NRXN1: variants seen among roughly 807,000 people sequenced by gnomAD.
The protein encoded by NRXN1 is neurexin 1.
NRXN1 carries 39 observed loss-of-function variants against 150.9 expected under a neutral mutation model. That is an observed-to-expected ratio of 0.26 (90% CI 0.20 to 0.34). The LOEUF (loss-of-function observed/expected upper bound fraction) is 0.34, where lower values mean the gene tolerates loss of function less well. Among genes scored for constraint, NRXN1 ranks in the 10% least tolerant of loss-of-function variants. The pLI, the probability that NRXN1 is intolerant of heterozygous loss-of-function variation, is 1.00. For synonymous variants in NRXN1, 924 were observed against 757.0 expected (o/e 1.22, Z -3.62); for missense variants, 1,815 against 1,949.9 (o/e 0.93, Z 1.30).
chr2:49,977,771 A>G (rs995160683), intron 21 of NRXN1, among the ~76,000 whole-genome samples: 2 of 152,198 alleles, frequency 1.3e-5, no homozygotes, highest in Non-Finnish European at 2.9e-5. Flanking sequence ...TGTTCTTCAT[A>G]GGTTTTTTAA....
In NRXN1 at chr2:51,020,253, G is replaced by GTTTTAAACTTCATATATAATTC. The variant is rs1260998248; in HGVS notation, c.772+7248_772+7249insGAATTATATATGAAGTTTAAAA. Among the ~76,000 whole-genome samples the GTTTTAAACTTCATATATAATTC allele has an allele frequency of 3.4e-4, 51 of 151,494 alleles. 1 individual carries two copies. The highest frequency in any genetic ancestry group is 1.2e-3 in the African/African-American group (49 of 41,406). On this transcript the variant is annotated intron_variant, in intron 2 of 22. Transcript: ENST00000401669. ...CTATCATCATAGATTAGTTGTATCT[G>GTTTTAAACTTCATATATAATTC]TTTTAAACTTCATATAAACAGAATT...
At chr2:50,228,864 G>A (rs2152867693) in intron 18 of NRXN1, among the ~76,000 whole-genome samples, 1 of 152,070 alleles carries the variant, frequency 6.6e-6, no homozygotes, top group South Asian at 2.1e-4. Context: ...CCCATTCAGG[G>A]CTGTGCTCTG....
At chr2:49,974,135 A>G in intron 21 of NRXN1, 1 of 714,932 alleles carries the variant, frequency 1.4e-6, no homozygotes, top group South Asian at 1.5e-5. Flanking sequence ...TCAAGATGAT[A>G]AATTGCCTGC....
At chr2:50,399,789 T>TAAAA (rs562980355) in intron 17 of NRXN1, among the ~76,000 whole-genome samples, 2 of 60,522 alleles carry the variant, frequency 3.3e-5, no homozygotes, top group Non-Finnish European at 6.1e-5. Flanking sequence ...AGAGAACTGG[T>TAAAA]AAAAAAAAAA....
chr2:50,857,388 T>C (rs2106008666), intron 5 of NRXN1, among the ~76,000 whole-genome samples: 1 of 152,234 alleles, frequency 6.6e-6, no homozygotes, highest in Non-Finnish European at 1.5e-5. Context: ...TGTCTAGCAC[T>C]ATTTTTTTAT....
chr2:50,094,097 T>C (rs899112030), intron 18 of NRXN1, among the ~76,000 whole-genome samples: 1 of 152,242 alleles, frequency 6.6e-6, no homozygotes, highest in African/African-American at 2.4e-5. Context: ...AATTTTGGAA[T>C]AAATTGTAAG....
chr2:50,274,586 G>T (rs947970355), intron 17 of NRXN1, among the ~76,000 whole-genome samples: 1 of 151,964 alleles, frequency 6.6e-6, no homozygotes, highest in Non-Finnish European at 1.5e-5. Flanking sequence ...CTATTGCGGA[G>T]ACTGAAAAAG....
At chr2:50,934,409 T>C (rs1384567143) in intron 2 of NRXN1, among the ~76,000 whole-genome samples, 1 of 152,174 alleles carries the variant, frequency 6.6e-6, no homozygotes, top group Non-Finnish European at 1.5e-5. Context: ...GTTATTTCAA[T>C]TTTGTTTGTA....
chr2:50,788,490 T>C (rs1705461616), intron 5 of NRXN1, among the ~76,000 whole-genome samples: 1 of 152,054 alleles, frequency 6.6e-6, no homozygotes, highest in African/African-American at 2.4e-5. Flanking sequence ...CTGACGCTTC[T>C]GGACAAGGAC....
chr2:50,501,351 A>G (rs951912620), intron 13 of NRXN1, among the ~76,000 whole-genome samples: 7 of 150,394 alleles, frequency 4.7e-5, no homozygotes, highest in Admixed American at 6.7e-5. Context: ...AGAGCTAAGG[A>G]GGATTTGAAG....
rs76822931 is a variant in NRXN1, at chr2:50,500,809, C to T, written c.2498-3095G>A. On this transcript the variant is annotated intron_variant, in intron 13 of 22. Transcript: ENST00000401669. The stretch of plus-strand genomic sequence containing the variant: ...GATAGCAAGGTTAATATGTGCTCTG[C>T]GTTAGGTTACATTTCTCATGTCGAG... Among the ~76,000 whole-genome samples the T allele has an allele frequency of 2.8e-3, 427 of 152,272 alleles. 1 individual carries two copies. The highest frequency in any genetic ancestry group is 9.2e-3 in the African/African-American group (381 of 41,572).
intron 21 of NRXN1, among the ~76,000 whole-genome samples, chr2:49,993,183 G>C (rs1226048154): frequency 6.6e-6 from 1 of 152,006 alleles, no homozygotes; most frequent in Non-Finnish European, 1.5e-5. Flanking sequence ...AAGTAAACGG[G>C]TAAATAAATG....
chr2:50,914,333 T>C (rs769130411), intron 5 of NRXN1, among the ~76,000 whole-genome samples: 5 of 151,686 alleles, frequency 3.3e-5, no homozygotes, highest in Non-Finnish European at 5.9e-5. Flanking sequence ...CCATAAAATA[T>C]AAGATCTACT....
chr2:50,319,874 G>A (rs549650473), intron 17 of NRXN1, among the ~76,000 whole-genome samples: 14 of 152,082 alleles, frequency 9.2e-5, no homozygotes, highest in East Asian at 7.8e-4. Flanking sequence ...CTATGCAATC[G>A]TCCTCTCTAT....
chr2:50,196,033 G>C (rs982437325), intron 18 of NRXN1, among the ~76,000 whole-genome samples: 1 of 151,830 alleles, frequency 6.6e-6, no homozygotes, highest in Non-Finnish European at 1.5e-5. Flanking sequence ...ATATGTAAAC[G>C]TGTGCCATGG....
At chr2:49,970,269 G>A (rs1461021312) in intron 21 of NRXN1, 1 of 151,946 alleles carries the variant, frequency 6.6e-6, no homozygotes, top group Non-Finnish European at 1.5e-5. Flanking sequence ...TTGATTTTTG[G>A]GAAATCTGAG....
chr2:50,974,362 G>C (rs1044894865), intron 2 of NRXN1, among the ~76,000 whole-genome samples: 1 of 152,158 alleles, frequency 6.6e-6, no homozygotes, highest in African/African-American at 2.4e-5. Flanking sequence ...AAAGAAACCA[G>C]TACCTGGGGA....
intron 21 of NRXN1, among the ~76,000 whole-genome samples, chr2:50,031,881 T>C (rs538104128): frequency 3.3e-5 from 5 of 152,056 alleles, no homozygotes; most frequent in Non-Finnish European, 7.4e-5. Context: ...TTAGAGAGCA[T>C]GTCTCCTGGT....
At chr2:50,345,205 A>G (rs2077854270) in intron 17 of NRXN1, among the ~76,000 whole-genome samples, 1 of 152,208 alleles carries the variant, frequency 6.6e-6, no homozygotes, top group Non-Finnish European at 1.5e-5. Context: ...AGGAGAAAGG[A>G]ACAAATTCCT....
Sources: allele counts gnomAD v4.1 joint callset (sites outside exome capture counted in the v4.1 genomes callset), GRCh38; gene constraint gnomAD v4.1.1; transcripts MANE v1.5; gene names NCBI Gene and HGNC (gene_info 2026-07-23, HGNC 2026-07-21).